Variants in FHOD3 observed in about 807,000 individuals in gnomAD.
FHOD3 encodes FH1/FH2 domain-containing protein 3.
A neutral mutation model predicts 173.0 loss-of-function variants in FHOD3; 90 were observed. The observed-to-expected ratio is 0.52, with a 90% CI of 0.44 to 0.62. The LOEUF (loss-of-function observed/expected upper bound fraction) is 0.62. FHOD3 is among the 20% of genes least tolerant of loss of function. The probability of loss-of-function intolerance (pLI) is 0.00; values close to 1 mark genes in which losing one functional copy is unlikely to be tolerated. For synonymous variants in FHOD3, 828 were observed against 823.0 expected (o/e 1.01, Z -0.10); for missense variants, 1,945 against 2,034.7 (o/e 0.96, Z 0.85).
rs184326790 is a variant in FHOD3 at position 36,429,621 on chromosome 18, G to A, written c.337+56877G>A. On this transcript the variant is annotated intron_variant, in intron 3 of 28. Coordinates refer to ENST00000590592, the MANE Select transcript of FHOD3 (RefSeq NM_001281740.3). ...CACAGATAAGGAATTCTTAGGATTG[G>A]AGAACTAATCAGGAGATCAAGGTGA... Among the ~76,000 whole-genome samples the A allele has an allele frequency of 4.0e-3, 610 of 152,260 alleles. 1 individual carries two copies. The highest frequency in any genetic ancestry group is 5.5e-3 in the Non-Finnish European group (374 of 68,030).
At chr18:36,659,569 C>G (rs2036641431) in intron 14 of FHOD3, among the ~76,000 whole-genome samples, 1 of 152,196 alleles carries the variant, frequency 6.6e-6, no homozygotes, top group African/African-American at 2.4e-5. Flanking sequence ...TGCCAAGCTG[C>G]CAGCTCCTCA....
intron 14 of FHOD3, among the ~76,000 whole-genome samples, chr18:36,660,566 G>C (rs564441099): frequency 6.6e-6 from 1 of 152,364 alleles, no homozygotes; most frequent in African/African-American, 2.4e-5. Context: ...GCTGCCGCCT[G>C]GAGGGTAAGA....
chr18:36,488,114 C>A (rs2054280927), intron 3 of FHOD3, among the ~76,000 whole-genome samples: 1 of 152,074 alleles, frequency 6.6e-6, no homozygotes, highest in Non-Finnish European at 1.5e-5. Context: ...GTGATACTTG[C>A]CATAGATTTG....
intron 2 of FHOD3, among the ~76,000 whole-genome samples, chr18:36,371,716 G>A (rs1028725380): frequency 1.3e-5 from 2 of 152,190 alleles, no homozygotes; most frequent in African/African-American, 4.8e-5. Context: ...GCGTGCCTTG[G>A]TGAGATCTCT....
chr18:36,594,960 G>C, intron 7 of FHOD3, 62 bp downstream of exon 7: 2 of 1,053,006 alleles, frequency 1.9e-6, no homozygotes, highest in Non-Finnish European at 2.9e-6. Context: ...GGAGGCTTCT[G>C]TGTTGTACAT....
Position 36,709,154 on chromosome 18 carries a change from G to T in FHOD3, c.2296G>T (p.Gly766Trp), listed in dbSNP as rs1339334317. 1 of 1,614,130 alleles carries T rather than the reference G, an allele frequency of 6.2e-7. No individual in the cohort carries two copies. The highest frequency in any genetic ancestry group is 1.7e-5 in the Admixed American group (1 of 60,028). The stretch of plus-strand genomic sequence containing the variant: ...AGAACCGGAAGCAGAGGCAGGGGCG[G>T]GGCAGGTTGCTGATGAAGCTGGCCA... ...EAEPEAEAGA[G>W]QVADEAGQDI... The change falls in exon 18 of 29, where the codon GGG (glycine) becomes TGG (tryptophan). Residue 766 changes from glycine to tryptophan, a missense_variant. Coordinates refer to ENST00000590592, the MANE Select transcript of FHOD3 (RefSeq NM_001281740.3).
intron 20 of FHOD3, among the ~76,000 whole-genome samples, chr18:36,735,508 G>T (rs2041585632): frequency 6.6e-6 from 1 of 152,204 alleles, no homozygotes; most frequent in Non-Finnish European, 1.5e-5. Context: ...TTCTTCTCTA[G>T]CTCCGCCTTG....
chr18:36,362,610 C>T (rs1211676965), intron 2 of FHOD3, among the ~76,000 whole-genome samples: 1 of 152,004 alleles, frequency 6.6e-6, no homozygotes, highest in African/African-American at 2.4e-5. Flanking sequence ...GTCTGGAGGT[C>T]GTGTCCTGGA....
intron 1 of FHOD3, among the ~76,000 whole-genome samples, chr18:36,321,191 G>C (rs1386011751): frequency 2.0e-5 from 3 of 151,876 alleles, no homozygotes; most frequent in Admixed American, 2.0e-4. Context: ...TCGTTCTTCT[G>C]GTGACAGTGA....
intron 7 of FHOD3, among the ~76,000 whole-genome samples, chr18:36,598,513 G>T (rs541425975): frequency 1.3e-5 from 2 of 152,278 alleles, no homozygotes; most frequent in South Asian, 2.1e-4. Flanking sequence ...AAAGTCCAGC[G>T]TAAGGAGTGA....
At chr18:36,402,877 A>C (rs1166353422) in intron 3 of FHOD3, among the ~76,000 whole-genome samples, 2 of 152,262 alleles carry the variant, frequency 1.3e-5, no homozygotes. Context: ...ACATAGCAGC[A>C]TCTTTTGTTT....
chr18:36,345,033 G>C (rs1173097732), intron 1 of FHOD3, among the ~76,000 whole-genome samples: 1 of 152,132 alleles, frequency 6.6e-6, no homozygotes, highest in East Asian at 1.9e-4. Flanking sequence ...AGGAAAAATA[G>C]AAAAATTCAC....
chr18:36,527,616 G>A lies in FHOD3; in HGVS notation c.511+15073G>A, dbSNP rs139928425. 4.4e-3 allele frequency among the ~76,000 whole-genome samples: 676 copies of A among 152,316 alleles called. 3 individuals carry two copies. The highest frequency in any genetic ancestry group is 7.4e-3 in the Non-Finnish European group (502 of 68,018). The stretch of plus-strand genomic sequence containing the variant: ...TGACAGCTTCTGGGTCTGAGACCCT[G>A]GGGTGCAATGGCTTCTCCTGAAAGT... On this transcript the variant is annotated intron_variant, in intron 5 of 28. Transcript: ENST00000590592.
chr18:36,367,701 A>G (rs2046966557), intron 2 of FHOD3, among the ~76,000 whole-genome samples: 1 of 152,136 alleles, frequency 6.6e-6, no homozygotes, highest in Admixed American at 6.5e-5. Flanking sequence ...AGAGACACAG[A>G]ACCAAGAGAA....
chr18:36,743,408 C>A (rs1304085010), intron 22 of FHOD3, among the ~76,000 whole-genome samples: 3 of 148,758 alleles, frequency 2.0e-5, no homozygotes, highest in South Asian at 2.2e-4. Context: ...ACACATGATT[C>A]TTTATGAAGT....
intron 3 of FHOD3, among the ~76,000 whole-genome samples, chr18:36,379,604 G>A (rs1044015112): frequency 2.6e-5 from 4 of 152,214 alleles, no homozygotes; most frequent in Non-Finnish European, 5.9e-5. Context: ...GATGCCTGTA[G>A]CATGTGTTAC....
intron 28 of FHOD3, among the ~76,000 whole-genome samples, chr18:36,771,679 GCA>G (rs2043388342): frequency 6.6e-6 from 1 of 152,212 alleles, no homozygotes; most frequent in African/African-American, 2.4e-5. Flanking sequence ...AGGAACCTGC[GCA>G]CCAGTTAACT....
intron 1 of FHOD3, among the ~76,000 whole-genome samples, chr18:36,342,287 A>T (rs1005773354): frequency 1.3e-5 from 2 of 152,152 alleles, no homozygotes; most frequent in Non-Finnish European, 2.9e-5. Flanking sequence ...AGGAGAATGG[A>T]CAGCAGAAAT....
intron 23 of FHOD3, among the ~76,000 whole-genome samples, chr18:36,744,434 C>T (rs755746166): frequency 3.3e-4 from 51 of 152,260 alleles, no homozygotes; most frequent in Middle Eastern, 3.2e-3. Context: ...GGCAAGCCTG[C>T]CATCCCATTC....
Sources: gnomAD v4.1 joint callset for allele counts (sites outside exome capture counted in the v4.1 genomes callset) on GRCh38, gnomAD v4.1.1 for gene constraint, MANE v1.5 for transcripts, NCBI Gene and HGNC (gene_info 2026-07-23, HGNC 2026-07-21) for gene names.